GABRA1: variants seen among roughly 807,000 people sequenced by gnomAD.
GABRA1 encodes gamma-aminobutyric acid receptor subunit alpha-1.
A neutral mutation model predicts 48.9 loss-of-function variants in GABRA1; 9 were observed. The observed-to-expected ratio is 0.18, with a 90% CI of 0.11 to 0.32. The LOEUF (loss-of-function observed/expected upper bound fraction) is 0.32, where lower values mean the gene tolerates loss of function less well. GABRA1 is among the 10% of genes least tolerant of loss of function. The pLI is 1.00. For missense variants in GABRA1, 285 were observed against 553.8 expected (o/e 0.51, Z 4.87); for synonymous variants, 210 against 198.7 (o/e 1.06, Z -0.48).
At chr5:161,853,107 G>C (rs1436867342) in intron 2 of GABRA1, among the ~76,000 whole-genome samples, 3 of 151,798 alleles carry the variant, frequency 2.0e-5, no homozygotes, top group African/African-American at 7.2e-5. Flanking sequence ...AAATATATCA[G>C]TAAATGTGAT....
chr5:161,895,554 C>T (rs1435878707), intron 8 of GABRA1, 112 bp from the exon 9 acceptor site: 3 of 987,342 alleles, frequency 3.0e-6, no homozygotes, highest in African/African-American at 3.2e-5. Flanking sequence ...GGTCTAGAAA[C>T]CACATTCTGT....
At chr5:161,891,854 G>A (rs140892895) in intron 8 of GABRA1, among the ~76,000 whole-genome samples, 90 of 152,280 alleles carry the variant, frequency 5.9e-4, no homozygotes, top group African/African-American at 2.1e-3. Context: ...ATTGCATTCT[G>A]AAGCTTAAAA....
intron 4 of GABRA1, among the ~76,000 whole-genome samples, chr5:161,870,430 G>A (rs181269815): frequency 7.2e-5 from 11 of 151,906 alleles, no homozygotes; most frequent in Admixed American, 2.6e-4. Flanking sequence ...GCCTGGTGGC[G>A]CATGCCTGTA....
At chr5:161,848,900 C>A (rs1265788255) in intron 1 of GABRA1, 5 of 447,514 alleles carry the variant, frequency 1.1e-5, no homozygotes, top group Middle Eastern at 4.9e-4. Flanking sequence ...AGGGAAGGCA[C>A]GCTCTTGTCC....
rs1328575051 is a variant in GABRA1, at chr5:161,899,148, G to A, written c.*1726G>A. 2 of 152,514 alleles carry A rather than the reference G, an allele frequency of 1.3e-5. No homozygotes were observed. The highest frequency in any genetic ancestry group is 1.9e-4 in the East Asian group (1 of 5,198). The allele number at this position is 152,514 out of a possible 1,614,324, so 9.4% of individuals were successfully genotyped here. The stretch of plus-strand genomic sequence containing the variant: ...AGAATACTACAGCATAAATCTGTTA[G>A]CATTATTGCCAAATAAGACAGTTGG... On this transcript the variant is annotated 3_prime_UTR_variant, in exon 10 of 10. Transcript: ENST00000393943.
chr5:161,876,831 T>TA (rs1388603730), intron 6 of GABRA1, among the ~76,000 whole-genome samples: 1 of 152,214 alleles, frequency 6.6e-6, no homozygotes, highest in East Asian at 1.9e-4. Flanking sequence ...GTACATTAAA[T>TA]ATTTGTATAT....
intron 7 of GABRA1, among the ~76,000 whole-genome samples, chr5:161,883,010 C>A (rs555091976): frequency 2.1e-4 from 32 of 152,274 alleles, no homozygotes; most frequent in African/African-American, 7.2e-4. Context: ...CCTTATTCCC[C>A]AACCTTGTCA....
intron 4 of GABRA1, among the ~76,000 whole-genome samples, chr5:161,872,467 T>A (rs531143186): frequency 6.3e-4 from 96 of 152,310 alleles, no homozygotes; most frequent in Non-Finnish European, 1.2e-3. Context: ...TCTGCATTCT[T>A]ATTTTTGTTC....
At chr5:161,881,711 C>T (rs2093531601) in intron 6 of GABRA1, 1 of 151,996 alleles carries the variant, frequency 6.6e-6, no homozygotes, top group African/African-American at 2.4e-5. Context: ...CTCATTTCAT[C>T]TCTCATATGC....
intron 6 of GABRA1, among the ~76,000 whole-genome samples, chr5:161,876,873 T>A (rs917131844): frequency 6.6e-6 from 1 of 152,190 alleles, no homozygotes; most frequent in Non-Finnish European, 1.5e-5. Flanking sequence ...AACCTAATCT[T>A]ACAGTTAGGA....
chr5:161,876,712 T>C (rs2113393094), intron 6 of GABRA1, among the ~76,000 whole-genome samples: 1 of 152,298 alleles, frequency 6.6e-6, no homozygotes, highest in African/African-American at 2.4e-5. Context: ...CCTGCTTTTT[T>C]CCCAATTTAA....
At chr5:161,887,537 A>G (rs925093679) in intron 7 of GABRA1, among the ~76,000 whole-genome samples, 1 of 152,184 alleles carries the variant, frequency 6.6e-6, no homozygotes, top group Non-Finnish European at 1.5e-5. Context: ...TAGAACTATA[A>G]TGAGTGTCCC....
chr5:161,860,099 CA>C (rs1326459089), intron 3 of GABRA1, among the ~76,000 whole-genome samples: 3 of 151,804 alleles, frequency 2.0e-5, no homozygotes, highest in Non-Finnish European at 1.5e-5. Context: ...AGGTAGTTAC[CA>C]AAACCCCAAG....
intron 1 of GABRA1, among the ~76,000 whole-genome samples, chr5:161,849,783 G>T (rs1478639601): frequency 1.3e-5 from 2 of 152,132 alleles, no homozygotes; most frequent in African/African-American, 2.4e-5. Context: ...TACCATAGCT[G>T]CTCCTTATCC....
At position 161,867,102 on chromosome 5, in the gene GABRA1, G is replaced by T. The variant is rs7724644; in HGVS notation, c.255+1314G>T. Among the ~76,000 whole-genome samples the T allele has an allele frequency of 6.9e-3, 1,056 of 152,232 alleles. 15 individuals carry two copies. The highest frequency in any genetic ancestry group is 0.023 in the African/African-American group (959 of 41,562). ...TAATATGAAAGTCAATCATACTTGT[G>T]AATGTATGCATCTTACGATTTATTT... On this transcript the variant is annotated intron_variant, in intron 4 of 9. Coordinates refer to ENST00000393943, the MANE Select transcript of GABRA1 (RefSeq NM_001127644.2).
At chr5:161,880,611 T>C (rs1754571583) in intron 6 of GABRA1, among the ~76,000 whole-genome samples, 1 of 152,178 alleles carries the variant, frequency 6.6e-6, no homozygotes, top group Non-Finnish European at 1.5e-5. Flanking sequence ...CTCTTAAACT[T>C]ATGGAAAATT....
chr5:161,874,339 A>T (rs74979395), intron 5 of GABRA1, among the ~76,000 whole-genome samples: 1,596 of 152,260 alleles, frequency 0.01, 31 homozygotes, highest in African/African-American at 0.036. Context: ...ATGTATTAGG[A>T]CTTAAAAAAA....
intron 8 of GABRA1, among the ~76,000 whole-genome samples, chr5:161,893,048 T>TAATAAA (rs5872733): frequency 0.039 from 5,588 of 141,900 alleles, 180 homozygotes; most frequent in Admixed American, 0.077. Flanking sequence ...ATAATAATAA[T>TAATAAA]AAAATAAACA....
At chr5:161,853,001 T>C (rs1307503294) in intron 2 of GABRA1, among the ~76,000 whole-genome samples, 4 of 152,022 alleles carry the variant, frequency 2.6e-5, no homozygotes, top group Non-Finnish European at 5.9e-5. Flanking sequence ...CAAAGTATAT[T>C]AAGTAGAAAA....
Sources: allele counts gnomAD v4.1 joint callset (sites outside exome capture counted in the v4.1 genomes callset), GRCh38; gene constraint gnomAD v4.1.1; transcripts MANE v1.5; gene names NCBI Gene and HGNC (gene_info 2026-07-23, HGNC 2026-07-21).